SENP6: variants seen among roughly 807,000 people sequenced by gnomAD.
SENP6 encodes SUMO specific peptidase 6, also known as sentrin-specific protease 6.
In SENP6, 41 loss-of-function variants were observed where a neutral mutation model predicts 134.5. The observed-to-expected ratio is 0.30, with a 90% CI of 0.24 to 0.40. The LOEUF (loss-of-function observed/expected upper bound fraction) is 0.40, where lower values mean the gene tolerates loss of function less well. Among genes scored for constraint, SENP6 ranks in the 10% least tolerant of loss-of-function variants. The probability of loss-of-function intolerance (pLI) is 1.00; values close to 1 mark genes in which losing one functional copy is unlikely to be tolerated. For synonymous variants in SENP6, 395 were observed against 429.8 expected (o/e 0.92, Z 1.00); for missense variants, 1,248 against 1,312.5 (o/e 0.95, Z 0.76).
chr6:75,710,297 C>T (rs1323526010), intron 20 of SENP6, among the ~76,000 whole-genome samples: 1 of 152,080 alleles, frequency 6.6e-6, no homozygotes, highest in Non-Finnish European at 1.5e-5. Context: ...GTCTCATTTG[C>T]CCTAACAAAC....
chr6:75,666,055 T>A (rs1772180009), intron 9 of SENP6, among the ~76,000 whole-genome samples: 1 of 142,688 alleles, frequency 7.0e-6, no homozygotes, highest in East Asian at 2.0e-4. Flanking sequence ...ATATATATGA[T>A]ATATAAAACG....
At chr6:75,682,163 A>G (rs775850944) in intron 16 of SENP6, among the ~76,000 whole-genome samples, 2 of 152,198 alleles carry the variant, frequency 1.3e-5, no homozygotes, top group African/African-American at 2.4e-5. Flanking sequence ...TGTAATGATA[A>G]AGGAATGATC....
In SENP6 at chr6:75,644,445, T is replaced by C. The variant is rs895995338; in HGVS notation, c.480-3286T>C. 2.0e-5 allele frequency among the ~76,000 whole-genome samples: 3 copies of C among 151,982 alleles called. No homozygotes were observed. The South Asian group carries it at 6.2e-4, about 32-fold the overall frequency. Reference sequence around the variant, plus strand: ...TGGATCCTGGAACAAAAATGGGGTATTAGTAAATAGCTGGTAAATTTCTTT... The same window carrying C: ...TGGATCCTGGAACAAAAATGGGGTACTAGTAAATAGCTGGTAAATTTCTTT... On this transcript the variant is annotated intron_variant, in intron 6 of 23. Transcript: ENST00000447266.
chr6:75,602,236 C>T lies in SENP6; in HGVS notation c.-289C>T, dbSNP rs933582798. 6 of 349,776 alleles carry T rather than the reference C, an allele frequency of 1.7e-5. No homozygotes were observed. The Admixed American group carries it at 2.5e-4, about 14-fold the overall frequency. 21.7% of individuals were successfully genotyped at this position (349,776 alleles called of 1,614,324 possible). On this transcript the variant is annotated 5_prime_UTR_variant, in exon 1 of 24. Coordinates refer to ENST00000447266, the MANE Select transcript of SENP6 (RefSeq NM_015571.4). The stretch of plus-strand genomic sequence containing the variant: ...TGGGGAGTCGTGGGCCGAGAGGAAC[C>T]GGGCCCGGGAAGCGCCGTCGTCGTC...
intron 19 of SENP6, among the ~76,000 whole-genome samples, chr6:75,704,324 A>G (rs1170204848): frequency 6.6e-6 from 1 of 152,202 alleles, no homozygotes; most frequent in Non-Finnish European, 1.5e-5. Context: ...AATAGGGAGA[A>G]GATCAGCAAG....
At chr6:75,629,219 A>G (rs1768924151) in intron 3 of SENP6, among the ~76,000 whole-genome samples, 1 of 152,190 alleles carries the variant, frequency 6.6e-6, no homozygotes, top group East Asian at 1.9e-4. Flanking sequence ...TTTTGTTTTA[A>G]CCAAATACTC....
intron 6 of SENP6, among the ~76,000 whole-genome samples, chr6:75,645,528 A>T (rs940078425): frequency 6.6e-6 from 1 of 152,178 alleles, no homozygotes; most frequent in Non-Finnish European, 1.5e-5. Flanking sequence ...GAGGCATGGG[A>T]ATCACTTGAA....
At chr6:75,643,344 GTAAGTT>G (rs1303920871) in intron 6 of SENP6, among the ~76,000 whole-genome samples, 2 of 152,138 alleles carry the variant, frequency 1.3e-5, no homozygotes, top group East Asian at 3.8e-4. Flanking sequence ...CAATGTGAAA[GTAAGTT>G]TAAAGCCACA....
chr6:75,625,760 G>T (rs796238671), intron 3 of SENP6, among the ~76,000 whole-genome samples: 1 of 152,104 alleles, frequency 6.6e-6, no homozygotes, highest in East Asian at 1.9e-4. Flanking sequence ...TCCCAGCTAC[G>T]TGGGAGGCTG....
rs774367284 is a variant in SENP6 at position 75,633,589 on chromosome 6, T to C, written c.216T>C (p.Arg72=). The C allele has an allele frequency of 3.1e-6, 5 of 1,594,486 alleles. No homozygotes were observed. The South Asian group carries it at 5.8e-5, about 18-fold the overall frequency. ...TGGATCTTTTTTTACAGTTAAATCG[T>C]CGATCTGAAATTGTTGCTAATAGCT... ...SETSKGKKLN[R]RSEIVANSSG... is the part of the protein sequence containing the mutation. The change falls in exon 4 of 24, where the codon CGT becomes CGC. Residue 72 remains arginine, a synonymous_variant. Coordinates refer to ENST00000447266, the MANE Select transcript of SENP6 (RefSeq NM_015571.4).
In SENP6 at chr6:75,705,924, C is replaced by CTTTTTTTTTTTTT. The variant is rs1562073188; in HGVS notation, c.2716+2852_2716+2853insTTTTTTTTTTTTT. 5.4e-3 allele frequency among the ~76,000 whole-genome samples: 479 copies of CTTTTTTTTTTTTT among 89,264 alleles called. 128 individuals carry two copies. Among genetic ancestry groups the CTTTTTTTTTTTTT allele is most frequent in the Non-Finnish European group, 7.9e-3 (366 of 46,094 alleles). The allele number at this position is 89,264 out of a possible 152,430, so 58.6% of individuals were successfully genotyped here. A position where few individuals can be genotyped will look rare whatever the true frequency, so the allele number is the denominator to read the frequency against. ...AGTGAGTTAGAAAGCTATTTTTGAG[C>CTTTTTTTTTTTTT]CTTTTTTTTTTTTTTTTTTTTTTTT... On this transcript the variant is annotated intron_variant, in intron 19 of 23. Transcript: ENST00000447266.
At chr6:75,709,461 C>A in intron 19 of SENP6, 66 bp from the exon 20 acceptor site, 1 of 1,051,656 alleles carries the variant, frequency 9.5e-7, no homozygotes, top group Non-Finnish European at 1.4e-6. Flanking sequence ...GCATTAATTT[C>A]AGCCTCATAT....
At chr6:75,672,286 A>T (rs552956232) in intron 11 of SENP6, among the ~76,000 whole-genome samples, 1 of 152,216 alleles carries the variant, frequency 6.6e-6, no homozygotes, top group African/African-American at 2.4e-5. Context: ...GGTGATTTAG[A>T]CATTTAATTA....
intron 16 of SENP6, among the ~76,000 whole-genome samples, chr6:75,686,884 T>G (rs1019132751): frequency 6.6e-6 from 1 of 152,180 alleles, no homozygotes; most frequent in Non-Finnish European, 1.5e-5. Context: ...TTGGAGTTGC[T>G]CTTCTCAAGG....
intron 18 of SENP6, among the ~76,000 whole-genome samples, chr6:75,701,419 G>A (rs1366138224): frequency 6.6e-6 from 1 of 152,128 alleles, no homozygotes; most frequent in African/African-American, 2.4e-5. Flanking sequence ...TTAAATTTTT[G>A]TGCAAGGACT....
intron 1 of SENP6, among the ~76,000 whole-genome samples, chr6:75,612,143 G>T (rs1356536043): frequency 6.6e-6 from 1 of 152,064 alleles, no homozygotes; most frequent in Non-Finnish European, 1.5e-5. Context: ...GTGTGGTTTG[G>T]TCGGGAAGTT....
At chr6:75,616,367 A>G (rs1354798534) in intron 1 of SENP6, among the ~76,000 whole-genome samples, 1 of 152,096 alleles carries the variant, frequency 6.6e-6, no homozygotes, top group Non-Finnish European at 1.5e-5. Flanking sequence ...TTTTCTTTTT[A>G]TAATTTATTT....
At chr6:75,627,429 A>T (rs1028643419) in intron 3 of SENP6, among the ~76,000 whole-genome samples, 3 of 152,066 alleles carry the variant, frequency 2.0e-5, no homozygotes, top group Admixed American at 1.3e-4. Flanking sequence ...TTTTAGATAG[A>T]CAAGAAAAAA....
At chr6:75,640,759 T>C (rs550951969) in intron 6 of SENP6, 55 bp downstream of exon 6, 3 of 1,098,080 alleles carry the variant, frequency 2.7e-6, no homozygotes, top group South Asian at 3.7e-5. Context: ...AATATAAAAT[T>C]ATTTATATGT....
Sources: allele counts gnomAD v4.1 joint callset (sites outside exome capture counted in the v4.1 genomes callset), GRCh38; gene constraint gnomAD v4.1.1; transcripts MANE v1.5; gene names NCBI Gene and HGNC (gene_info 2026-07-23, HGNC 2026-07-21).